Variants in TSC22D3 observed in about 807,000 individuals in gnomAD.
TSC22D3 encodes TSC22 domain family protein 3.
In TSC22D3, 4 loss-of-function variants were observed where a neutral mutation model predicts 11.1. The ratio of observed to expected loss-of-function variants is 0.36; its 90% CI spans 0.18 to 0.83. TSC22D3 has a LOEUF of 0.83. Ranked by LOEUF, TSC22D3 falls within the 40% of genes least tolerant of loss-of-function variation. The pLI is 0.48. For synonymous variants in TSC22D3, 77 were observed against 70.3 expected (o/e 1.10, Z -0.48); for missense variants, 118 against 159.4 (o/e 0.74, Z 1.40).
At chrX:107,765,825 G>C (rs1343874707) in intron 1 of TSC22D3, among the ~76,000 whole-genome samples, 1 of 112,198 alleles carries the variant, frequency 8.9e-6, no homozygotes, top group Admixed American at 9.4e-5. Context: ...CTCCATCTCA[G>C]GTCCCCTAAT....
At chrX:107,772,948 C>G (rs146302528) in intron 1 of TSC22D3, among the ~76,000 whole-genome samples, 1,524 of 112,804 alleles carry the variant, frequency 0.014, 33 homozygotes, top group African/African-American at 0.046. Flanking sequence ...TTATTCCCAG[C>G]CTTAGCGAAG....
At chrX:107,742,157 C>T (rs1928427590) in intron 1 of TSC22D3, among the ~76,000 whole-genome samples, 1 of 110,169 alleles carries the variant, frequency 9.1e-6, no homozygotes, top group Non-Finnish European at 1.9e-5. Context: ...GTGGGCTGGG[C>T]TTCCGGGTGC....
chrX:107,726,887 C>G (rs1279904368), intron 1 of TSC22D3, among the ~76,000 whole-genome samples: 1 of 111,889 alleles, frequency 8.9e-6, no homozygotes, highest in Non-Finnish European at 1.9e-5. Flanking sequence ...ACTAACGAAT[C>G]CTGGTCAACA....
chrX:107,747,255 A>G (rs145000568), intron 1 of TSC22D3, among the ~76,000 whole-genome samples: 2 of 112,687 alleles, frequency 1.8e-5, no homozygotes, highest in African/African-American at 3.2e-5. Flanking sequence ...AGTCCCCCTT[A>G]TCACACACGC....
intron 1 of TSC22D3, chrX:107,716,855 TG>T: frequency 1.7e-6 from 2 of 1,194,319 alleles, no homozygotes; most frequent in Non-Finnish European, 2.3e-6. Flanking sequence ...CGTGCGGGGC[TG>T]GGCGGCTGGG....
At chrX:107,770,475 G>A (rs1381308585) in intron 1 of TSC22D3, among the ~76,000 whole-genome samples, 1 of 111,811 alleles carries the variant, frequency 8.9e-6, no homozygotes, top group Non-Finnish European at 1.9e-5. Flanking sequence ...TATTAATAGG[G>A]GATATTAAAT....
At chrX:107,764,923 A>G (rs1269792310) in intron 1 of TSC22D3, among the ~76,000 whole-genome samples, 1 of 112,021 alleles carries the variant, frequency 8.9e-6, no homozygotes. Flanking sequence ...CTGCCTCCCC[A>G]GGGCTAGCCT....
chrX:107,723,797 G>A (rs1285689478), intron 1 of TSC22D3, among the ~76,000 whole-genome samples: 1 of 112,488 alleles, frequency 8.9e-6, no homozygotes, highest in Admixed American at 9.3e-5. Context: ...AGGACTTGGG[G>A]GCTATTGGCA....
In TSC22D3 at chrX:107,714,463, G is replaced by C; in HGVS notation, c.*56C>G. On this transcript the variant is annotated 3_prime_UTR_variant, in exon 3 of 3. Coordinates refer to ENST00000372383, the MANE Select transcript of TSC22D3 (RefSeq NM_198057.3). ...TGCTTGGGGAGCCAAAAACAAACTG[G>C]AAAGAACTAGGTAAAACAAGTTTAG... The C allele has an allele frequency of 9.2e-7, 1 of 1,088,264 alleles. No homozygotes were observed. The highest frequency in any genetic ancestry group is 1.2e-6 in the Non-Finnish European group (1 of 804,538). 89.7% of individuals were successfully genotyped at this position (1,088,264 alleles called of 1,213,427 possible).
intron 1 of TSC22D3, among the ~76,000 whole-genome samples, chrX:107,766,454 C>G (rs935673422): frequency 2.6e-5 from 2 of 77,763 alleles, no homozygotes; most frequent in Non-Finnish European, 2.4e-5. Context: ...GAGTTTCCGC[C>G]CCCCCCCCAA....
chrX:107,714,501 C>G lies in TSC22D3; in HGVS notation c.*18G>C, dbSNP rs773556062. On this transcript the variant is annotated 3_prime_UTR_variant, in exon 3 of 3. Coordinates refer to ENST00000372383, the MANE Select transcript of TSC22D3 (RefSeq NM_198057.3). The stretch of plus-strand genomic sequence containing the variant: ...AAAACAAGTTTAGTGGCTCTGCCCA[C>G]CCTGAGGACAGAGCCACTTACACCG... 1 of 1,200,737 alleles carries G rather than the reference C, an allele frequency of 8.3e-7. No homozygotes were observed. The highest frequency in any genetic ancestry group is 1.1e-6 in the Non-Finnish European group (1 of 887,392).
chrX:107,758,253 T>C (rs1047080625), intron 1 of TSC22D3, among the ~76,000 whole-genome samples: 1 of 107,881 alleles, frequency 9.3e-6, no homozygotes, highest in African/African-American at 3.4e-5. Flanking sequence ...TAGATACTGG[T>C]GGTTATGTGG....
intron 1 of TSC22D3, chrX:107,716,208 TG>T: frequency 1.2e-6 from 1 of 815,684 alleles, no homozygotes; most frequent in Non-Finnish European, 1.6e-6. Context: ...TTGCGAGTCC[TG>T]GGGCGCGCAG....
intron 1 of TSC22D3, among the ~76,000 whole-genome samples, chrX:107,733,294 G>A (rs1369529940): frequency 8.9e-6 from 1 of 111,912 alleles, no homozygotes; most frequent in East Asian, 2.8e-4. Context: ...TAGAGAGAGA[G>A]CATGCGCACT....
rs182956210 is a variant in TSC22D3 at position 107,735,092 on chromosome X, C to T, written c.321-19142G>A. On this transcript the variant is annotated intron_variant, in intron 1 of 2. Coordinates refer to ENST00000372383, the MANE Select transcript of TSC22D3 (RefSeq NM_198057.3). ...GCTGAAGGGCTCACCAGGCACCATCCGCCACAGTTTGGCCTCTCAAGGCCC... is the reference window on the plus strand; with the variant it reads ...GCTGAAGGGCTCACCAGGCACCATCTGCCACAGTTTGGCCTCTCAAGGCCC... 2.4e-3 allele frequency among the ~76,000 whole-genome samples: 268 copies of T among 110,832 alleles called. 1 individual carries two copies. Among genetic ancestry groups the T allele is most frequent in the Non-Finnish European group, 3.9e-3 (204 of 52,939 alleles).
chrX:107,719,104 G>A (rs985104514), intron 1 of TSC22D3, among the ~76,000 whole-genome samples: 1 of 111,701 alleles, frequency 9.0e-6, no homozygotes, highest in African/African-American at 3.3e-5. Flanking sequence ...AGATTCCAAG[G>A]AAGATGATGA....
At chrX:107,740,349 C>T (rs886500217) in intron 1 of TSC22D3, among the ~76,000 whole-genome samples, 2 of 111,365 alleles carry the variant, frequency 1.8e-5, no homozygotes, top group African/African-American at 6.5e-5. Flanking sequence ...TTTGGGAGGC[C>T]GAGGCGGGCG....
chrX:107,764,197 T>A (rs1330989431), intron 1 of TSC22D3, among the ~76,000 whole-genome samples: 2 of 112,626 alleles, frequency 1.8e-5, no homozygotes, highest in Admixed American at 1.9e-4. Flanking sequence ...ACTATCTGGT[T>A]AATGCCTGTC....
intron 1 of TSC22D3, among the ~76,000 whole-genome samples, chrX:107,755,307 G>T (rs942941539): frequency 1.8e-5 from 2 of 112,293 alleles, no homozygotes; most frequent in Admixed American, 1.9e-4. Flanking sequence ...GGACTTTGTG[G>T]TATTTCCTTT....
Sources: gnomAD v4.1 joint callset for allele counts (sites outside exome capture counted in the v4.1 genomes callset) on GRCh38, gnomAD v4.1.1 for gene constraint, MANE v1.5 for transcripts, NCBI Gene and HGNC (gene_info 2026-07-23, HGNC 2026-07-21) for gene names.